PALLD: variants seen among roughly 807,000 people sequenced by gnomAD.
PALLD encodes the protein palladin.
Under a neutral mutation model 123.5 loss-of-function variants are expected in PALLD, and 61 were observed. The ratio of observed to expected loss-of-function variants is 0.49; its 90% CI spans 0.40 to 0.61. PALLD has a LOEUF of 0.61. Among genes scored for constraint, PALLD ranks in the 20% least tolerant of loss-of-function variants. The probability of loss-of-function intolerance (pLI) is 0.00; values close to 1 mark genes in which losing one functional copy is unlikely to be tolerated. For missense variants in PALLD, 1,273 were observed against 1,377.0 expected (o/e 0.92, Z 1.20); for synonymous variants, 465 against 496.4 (o/e 0.94, Z 0.84).
intron 6 of PALLD, among the ~76,000 whole-genome samples, chr4:168,687,469 C>T (rs1341948727): frequency 6.6e-6 from 1 of 152,216 alleles, no homozygotes; most frequent in African/African-American, 2.4e-5. Context: ...TTCCCAAGGT[C>T]ATCACCAGAA....
Position 168,817,776 on chromosome 4 carries a change from A to G in PALLD, c.1965-73146A>G, listed in dbSNP as rs138118406. ...TTTCTATTAACCAAGAAATCAATTT[A>G]CTTATGTCTGCAACTAGGAATAAAT... On this transcript the variant is annotated intron_variant, in intron 10 of 21. Transcript: ENST00000505667. Among the ~76,000 whole-genome samples the G allele has an allele frequency of 2.8e-4, 42 of 152,384 alleles. No individual in the cohort carries two copies. In the East Asian group the frequency reaches 3.9e-3, roughly 14 times the overall value.
chr4:168,507,525 C>T (rs930446441), intron 1 of PALLD: 4 of 196,120 alleles, frequency 2.0e-5, no homozygotes, highest in African/African-American at 9.2e-5. Flanking sequence ...GAGGAATTCT[C>T]CAAAATGAAG....
chr4:168,853,225 A>G (rs1748054622), intron 10 of PALLD, among the ~76,000 whole-genome samples: 1 of 152,196 alleles, frequency 6.6e-6, no homozygotes, highest in African/African-American at 2.4e-5. Flanking sequence ...GTGTGTACAG[A>G]CATTTTTTTC....
intron 2 of PALLD, among the ~76,000 whole-genome samples, chr4:168,528,125 AGCTAGGACCACAACT>A (rs1287111022): frequency 6.6e-6 from 1 of 152,140 alleles, no homozygotes; most frequent in African/African-American, 2.4e-5. Context: ...CTCTCTTTCT[AGCTAGGACCACAACT>A]GCTACATCCT....
At chr4:168,730,558 T>C (rs900416340) in intron 10 of PALLD, among the ~76,000 whole-genome samples, 2 of 152,146 alleles carry the variant, frequency 1.3e-5, no homozygotes, top group Non-Finnish European at 2.9e-5. Context: ...ATGGAAAGCG[T>C]GATCTTTGGC....
At chr4:168,636,653 G>C (rs985134870) in intron 2 of PALLD, among the ~76,000 whole-genome samples, 4 of 152,164 alleles carry the variant, frequency 2.6e-5, no homozygotes, top group African/African-American at 9.7e-5. Flanking sequence ...AAAATTCTGT[G>C]TCTGATGAAT....
chr4:168,704,206 T>C (rs1365095138), intron 8 of PALLD, among the ~76,000 whole-genome samples: 9 of 151,766 alleles, frequency 5.9e-5, no homozygotes, highest in Non-Finnish European at 1.3e-4. Flanking sequence ...CTGGATCCCT[T>C]CCTTACACCT....
chr4:168,787,818 C>A (rs1227178115), intron 10 of PALLD, among the ~76,000 whole-genome samples: 1 of 152,190 alleles, frequency 6.6e-6, no homozygotes, highest in Non-Finnish European at 1.5e-5. Context: ...ATAAGCTTTT[C>A]AGAATTTCAT....
At chr4:168,679,533 G>A in intron 3 of PALLD, among the ~76,000 whole-genome samples, 1 of 142,742 alleles carries the variant, frequency 7.0e-6, no homozygotes, top group East Asian at 2.1e-4. Context: ...GTATGGATAT[G>A]GTGTGTGGGG....
chr4:168,607,967 G>A (rs1470416028), intron 2 of PALLD, among the ~76,000 whole-genome samples: 1 of 152,174 alleles, frequency 6.6e-6, no homozygotes, highest in African/African-American at 2.4e-5. Context: ...CTCTGTTCCT[G>A]CAGTCCAAGG....
chr4:168,512,121 C>T lies in PALLD; in HGVS notation c.617C>T (p.Ser206Phe), dbSNP rs1466611051. ...TCGTCACCAGACAGTGGGTACCTGT[C>T]TCCTAAAAATCAGCCGTCAGCCCTG... The part of the protein sequence containing the change: ...ESSSPDSGYL[S>F]PKNQPSALLS... Residue 206 changes from serine (S) to phenylalanine (F), a missense_variant, in exon 2 of 22, where the codon TCT (serine) becomes TTT (phenylalanine). By Grantham distance (155) the Ser-to-Phe change is radical. Around this residue, in one of 2 missense-constraint regions of PALLD, gnomAD observed 944 missense variants for 954.5 expected, o/e 0.99. Coordinates refer to ENST00000505667, the MANE Select transcript of PALLD (RefSeq NM_001166108.2). 6.2e-7 allele frequency: 1 copy of T among 1,614,214 alleles called. No individual in the cohort carries two copies. The highest frequency in any genetic ancestry group is 8.5e-7 in the Non-Finnish European group (1 of 1,180,034).
At chr4:168,766,927 T>C (rs1197641963) in intron 10 of PALLD, among the ~76,000 whole-genome samples, 3 of 152,226 alleles carry the variant, frequency 2.0e-5, no homozygotes, top group African/African-American at 7.2e-5. Context: ...TCATCAAGTA[T>C]TTAAAGATGG....
chr4:168,559,931 A>G (rs1336538952), intron 2 of PALLD, among the ~76,000 whole-genome samples: 1 of 152,086 alleles, frequency 6.6e-6, no homozygotes, highest in Non-Finnish European at 1.5e-5. Context: ...AGAGAGAGAG[A>G]GAGAGCATGC....
At chr4:168,647,289 AG>A (rs1054346347) in intron 2 of PALLD, among the ~76,000 whole-genome samples, 22 of 152,356 alleles carry the variant, frequency 1.4e-4, no homozygotes, top group Middle Eastern at 3.4e-3. Flanking sequence ...CAGAAAGGTT[AG>A]GCTGACTATA....
rs1231114395 is a variant in PALLD at position 168,877,978 on chromosome 4, G to A, written c.1965-12944G>A. 2 of 1,501,408 alleles carry A rather than the reference G, an allele frequency of 1.3e-6. No homozygotes were observed. Among genetic ancestry groups the A allele is most frequent in the East Asian group, 2.7e-5 (1 of 36,550 alleles). The allele number at this position is 1,501,408 out of a possible 1,614,324, so 93.0% of individuals were successfully genotyped here. A position where few individuals can be genotyped will look rare whatever the true frequency, so the allele number is the denominator to read the frequency against. On this transcript the variant is annotated intron_variant, in intron 10 of 21. Transcript: ENST00000505667. The stretch of plus-strand genomic sequence containing the variant: ...CGCGCCCCAAGCAGTTCATCGCCGC[G>A]CAGAACCTCGGGCCCGCGTCGGGCC...
chr4:168,761,012 T>G (rs1327608400), intron 10 of PALLD, among the ~76,000 whole-genome samples: 2 of 152,180 alleles, frequency 1.3e-5, no homozygotes, highest in African/African-American at 4.8e-5. Context: ...CCGATGCATT[T>G]TTTGTTCTCA....
Position 168,716,813 on chromosome 4 carries a change from G to A in PALLD, c.1964+4890G>A, listed in dbSNP as rs1785410585. 2.0e-5 allele frequency among the ~76,000 whole-genome samples: 3 copies of A among 152,200 alleles called. 1 individual carries two copies. In the South Asian group the frequency reaches 6.2e-4, roughly 32 times the overall value. ...AGAGATAGAAGAGAAGGAAATAGCA[G>A]CCTTTATCATTCTCTTTATTAGTGA... On this transcript the variant is annotated intron_variant, in intron 10 of 21. Coordinates refer to ENST00000505667, the MANE Select transcript of PALLD (RefSeq NM_001166108.2).
intron 1 of PALLD, among the ~76,000 whole-genome samples, chr4:168,500,430 C>G (rs914079667): frequency 6.6e-5 from 10 of 152,156 alleles, no homozygotes; most frequent in Non-Finnish European, 1.2e-4. Flanking sequence ...GTGACCTGAT[C>G]ATCGCTCACT....
intron 2 of PALLD, among the ~76,000 whole-genome samples, chr4:168,518,251 G>A (rs565329775): frequency 7.2e-5 from 11 of 152,276 alleles, no homozygotes; most frequent in Admixed American, 2.6e-4. Flanking sequence ...GAGGCTGCAC[G>A]TCAAGCCACC....
Sources: gnomAD v4.1 joint callset for allele counts (sites outside exome capture counted in the v4.1 genomes callset) on GRCh38, gnomAD v4.1.1 for gene constraint, gnomAD v4.1.1 regional missense constraint, MANE v1.5 for transcripts, NCBI Gene and HGNC (gene_info 2026-07-23, HGNC 2026-07-21) for gene names.